TMEM114: variants seen among roughly 807,000 people sequenced by gnomAD.
TMEM114 encodes transmembrane protein 114.
A neutral mutation model predicts 6.2 loss-of-function variants in TMEM114; 6 were observed. The observed-to-expected ratio is 0.97, with a 90% CI of 0.53 to 1.91. The LOEUF (loss-of-function observed/expected upper bound fraction) is 1.91, where lower values mean the gene tolerates loss of function less well. Among genes scored for constraint, TMEM114 ranks in the 40% most tolerant of loss-of-function variants. The probability of loss-of-function intolerance (pLI) is 0.01; values close to 1 mark genes in which losing one functional copy is unlikely to be tolerated. For missense variants in TMEM114, 218 were observed against 158.3 expected (o/e 1.38, Z -2.02); for synonymous variants, 104 against 73.0 (o/e 1.42, Z -2.16).
At chr16:8,576,674 G>T (rs1901939578) in intron 2 of TMEM114, among the ~76,000 whole-genome samples, 1 of 151,298 alleles carries the variant, frequency 6.6e-6, no homozygotes, top group Admixed American at 6.6e-5. Flanking sequence ...TGCTCCCTGT[G>T]CAATGGATGG....
chr16:8,578,017 GT>G (rs1474699270), intron 2 of TMEM114, among the ~76,000 whole-genome samples: 2 of 152,208 alleles, frequency 1.3e-5, no homozygotes, highest in African/African-American at 4.8e-5. Flanking sequence ...CCCTCATGGA[GT>G]TCACAGATGG....
intron 2 of TMEM114, among the ~76,000 whole-genome samples, chr16:8,563,968 A>C (rs1421425348): frequency 6.8e-6 from 1 of 147,626 alleles, no homozygotes; most frequent in Non-Finnish European, 1.5e-5. Flanking sequence ...TGAATGAGTG[A>C]ATGAGTGAGT....
rs142988708 is a variant in TMEM114, at chr16:8,555,215, G to A, written n.213-17389C>T. Reference sequence around the variant, plus strand: ...ATACATCCCAAAGGTATGCACTACTGATGCAGGGTAAGTTCTTGGCTTAGC... The same window carrying A: ...ATACATCCCAAAGGTATGCACTACTAATGCAGGGTAAGTTCTTGGCTTAGC... On this transcript the variant is annotated intron_variant and non_coding_transcript_variant, in intron 2 of 2. Coordinates refer to the TMEM114 transcript ENST00000623677. Among the ~76,000 whole-genome samples, 12 of 152,316 alleles carry A rather than the reference G, an allele frequency of 7.9e-5. 1 individual carries two copies. The East Asian group carries it at 2.3e-3, about 29-fold the overall frequency.
At chr16:8,559,964 C>G (rs749718808) in intron 2 of TMEM114, among the ~76,000 whole-genome samples, 2 of 152,088 alleles carry the variant, frequency 1.3e-5, no homozygotes, top group African/African-American at 2.4e-5. Flanking sequence ...GGCTTTGCGT[C>G]TCTGTTCTGG....
chr16:8,531,932 C>A, the TMEM114 span: 1 of 152,202 alleles, frequency 6.6e-6, no homozygotes, highest in African/African-American at 2.4e-5. Context: ...AAACCTACCT[C>A]ATGTAGATGA....
intron 2 of TMEM114, among the ~76,000 whole-genome samples, chr16:8,551,763 C>T (rs60355567): frequency 0.075 from 11,394 of 152,266 alleles, 509 homozygotes; most frequent in Middle Eastern, 0.18. Context: ...AGGGGTGTTT[C>T]ATTAAACTTC....
intron 2 of TMEM114, among the ~76,000 whole-genome samples, chr16:8,554,980 C>G (rs541998886): frequency 6.6e-6 from 1 of 152,200 alleles, no homozygotes; most frequent in Non-Finnish European, 1.5e-5. Context: ...GAAATATGGT[C>G]TCATAGATGG....
At chr16:8,586,463 C>G (rs1322139436) in intron 2 of TMEM114, among the ~76,000 whole-genome samples, 1 of 152,074 alleles carries the variant, frequency 6.6e-6, no homozygotes, top group African/African-American at 2.4e-5. Flanking sequence ...TTACCTGGGA[C>G]ATGACCCTCA....
chr16:8,528,107 C>T, the TMEM114 span, among the ~76,000 whole-genome samples: 1 of 152,160 alleles, frequency 6.6e-6, no homozygotes, highest in East Asian at 1.9e-4. Context: ...CGCCATGCTG[C>T]CCAGGCTGTC....
chr16:8,557,154 C>T (rs1743864634), intron 2 of TMEM114, among the ~76,000 whole-genome samples: 2 of 152,172 alleles, frequency 1.3e-5, no homozygotes, highest in African/African-American at 4.8e-5. Flanking sequence ...ATACTTCTCC[C>T]AGGGAGGTTG....
intron 2 of TMEM114, among the ~76,000 whole-genome samples, chr16:8,563,331 G>GAATGAGTGAGTA: frequency 6.7e-6 from 1 of 150,148 alleles, no homozygotes; most frequent in Admixed American, 6.6e-5. Context: ...GGGTATGAGT[G>GAATGAGTGAGTA]AGTGAATGAG....
chr16:8,575,570 A>T (rs1049718973), intron 2 of TMEM114, among the ~76,000 whole-genome samples: 1 of 152,192 alleles, frequency 6.6e-6, no homozygotes, highest in Non-Finnish European at 1.5e-5. Flanking sequence ...AACACCTGCC[A>T]CCTATGCTCA....
intron 2 of TMEM114, among the ~76,000 whole-genome samples, chr16:8,553,144 G>A (rs890846844): frequency 2.0e-5 from 3 of 152,184 alleles, no homozygotes; most frequent in African/African-American, 7.2e-5. Context: ...CAAGAGTGCC[G>A]ATCGCAGCCG....
chr16:8,536,132 G>C (rs1311656422), downstream of TMEM114, among the ~76,000 whole-genome samples: 1 of 151,840 alleles, frequency 6.6e-6, no homozygotes, highest in Non-Finnish European at 1.5e-5. Flanking sequence ...GGCTGAGGCA[G>C]GACAATCACT....
chr16:8,545,496 A>G (rs1900638664), intron 2 of TMEM114, among the ~76,000 whole-genome samples: 1 of 152,182 alleles, frequency 6.6e-6, no homozygotes, highest in South Asian at 2.1e-4. Flanking sequence ...ACCTATTGCT[A>G]TCAAGTTACA....
In TMEM114 at chr16:8,569,571, G is replaced by C. The variant is rs566435057; in HGVS notation, c.*202C>G. 2.9e-5 allele frequency: 41 copies of C among 1,422,472 alleles called. 1 individual carries two copies. The East Asian group carries it at 4.3e-4, about 15-fold the overall frequency. The allele number at this position is 1,422,472 out of a possible 1,614,324, so 88.1% of individuals were successfully genotyped here. A position where few individuals can be genotyped will look rare whatever the true frequency, so the allele number is the denominator to read the frequency against. ...CCCTCGGGCTCCTCCAGGCCACACG[G>C]ACACACACGGACATAAGCACACAGG... is the stretch of plus-strand genomic sequence containing the variant. On this transcript the variant is annotated 3_prime_UTR_variant, in exon 4 of 4. Transcript: ENST00000620492.
At chr16:8,527,127 A>T in the TMEM114 span, among the ~76,000 whole-genome samples, 8 of 152,204 alleles carry the variant, frequency 5.3e-5, no homozygotes, top group African/African-American at 1.9e-4. Flanking sequence ...GAATTGCTTG[A>T]ACCCGGAAGG....
At chr16:8,582,660 C>T (rs775660527) in intron 2 of TMEM114, among the ~76,000 whole-genome samples, 21 of 152,100 alleles carry the variant, frequency 1.4e-4, no homozygotes, top group East Asian at 1.9e-4. Flanking sequence ...GAGGCCGAGG[C>T]GGGTGGATCA....
At chr16:8,533,284 G>A (rs530104221), downstream of TMEM114, among the ~76,000 whole-genome samples, 1 of 152,216 alleles carries the variant, frequency 6.6e-6, no homozygotes, top group African/African-American at 2.4e-5. Flanking sequence ...GAACATCTGA[G>A]TTGAGACCTG....
Sources: allele counts gnomAD v4.1 joint callset (sites outside exome capture counted in the v4.1 genomes callset), GRCh38; gene constraint gnomAD v4.1.1; transcripts MANE v1.5; gene names NCBI Gene and HGNC (gene_info 2026-07-23, HGNC 2026-07-21).